The following NT5DC1 variants were observed in gnomAD, a reference collection of about 807,000 sequenced individuals.
NT5DC1 encodes 5'-nucleotidase domain-containing protein 1.
In NT5DC1, 42 loss-of-function variants were observed where a neutral mutation model predicts 59.4. That is an observed-to-expected ratio of 0.71 (90% confidence interval 0.55 to 0.92). The LOEUF (loss-of-function observed/expected upper bound fraction) is 0.92, where lower values mean the gene tolerates loss of function less well. Among genes scored for constraint, NT5DC1 ranks in the 40% least tolerant of loss-of-function variants. The pLI is 0.00. For synonymous variants in NT5DC1, 172 were observed against 188.1 expected, an observed-to-expected ratio of 0.91 and a Z score of 0.70; for missense variants, 501 against 537.1, an observed-to-expected ratio of 0.93 and a Z score of 0.66.
intron 6 of NT5DC1, among the ~76,000 whole-genome samples, chr6:116,177,952 G>A (rs1780770519): frequency 6.6e-6 from 1 of 152,006 alleles, no homozygotes; most frequent in Non-Finnish European, 1.5e-5. Flanking sequence ...TAGTTTCATA[G>A]TATAAAAATA....
chr6:116,191,675 TAA>T (rs1582864709), intron 6 of NT5DC1, among the ~76,000 whole-genome samples: 1 of 152,078 alleles, frequency 6.6e-6, no homozygotes, highest in East Asian at 1.9e-4. Flanking sequence ...AATCCATTGC[TAA>T]AAAGAGTCAA....
chr6:116,173,928 C>G (rs895463462), intron 6 of NT5DC1, among the ~76,000 whole-genome samples: 1 of 152,168 alleles, frequency 6.6e-6, no homozygotes, highest in African/African-American at 2.4e-5. Context: ...ATTCAGGATA[C>G]CACATTGCAT....
At chr6:116,166,972 G>A (rs1037373239) in intron 6 of NT5DC1, among the ~76,000 whole-genome samples, 1 of 151,972 alleles carries the variant, frequency 6.6e-6, no homozygotes, top group African/African-American at 2.4e-5. Flanking sequence ...TTGTTTTGGG[G>A]AGCCTACTCT....
At chr6:116,154,992 C>T (rs1430030974) in intron 6 of NT5DC1, among the ~76,000 whole-genome samples, 4 of 152,248 alleles carry the variant, frequency 2.6e-5, no homozygotes, top group African/African-American at 9.6e-5. Flanking sequence ...TTAACTTTTA[C>T]TCCCTGTGCT....
intron 6 of NT5DC1, among the ~76,000 whole-genome samples, chr6:116,166,959 T>A (rs758319223): frequency 6.6e-6 from 1 of 152,184 alleles, no homozygotes; most frequent in Non-Finnish European, 1.5e-5. Context: ...TTGTCTTTAT[T>A]AATTGTTTTG....
chr6:116,181,398 G>A (rs950826434), intron 6 of NT5DC1, among the ~76,000 whole-genome samples: 1 of 152,006 alleles, frequency 6.6e-6, no homozygotes, highest in African/African-American at 2.4e-5. Context: ...TATGATATTA[G>A]CAAATAATTT....
intron 6 of NT5DC1, among the ~76,000 whole-genome samples, chr6:116,211,852 C>G (rs1781586778): frequency 6.6e-6 from 1 of 151,980 alleles, no homozygotes; most frequent in African/African-American, 2.4e-5. Flanking sequence ...CCTCAGGAAT[C>G]TAATTAAAGC....
At chr6:116,186,680 C>G (rs917321710) in intron 6 of NT5DC1, among the ~76,000 whole-genome samples, 3 of 151,978 alleles carry the variant, frequency 2.0e-5, no homozygotes, top group Non-Finnish European at 4.4e-5. Flanking sequence ...CTGCGAGTTT[C>G]CAGTGCATTT....
chr6:116,123,444 T>A (rs3812112), intron 6 of NT5DC1, among the ~76,000 whole-genome samples: 70,878 of 152,118 alleles, frequency 0.47, 18,533 homozygotes, highest in African/African-American at 0.72. Context: ...ACTACTTCCT[T>A]CTATTAAGTT....
At chr6:116,196,086 A>T (rs1335221544) in intron 6 of NT5DC1, among the ~76,000 whole-genome samples, 1 of 151,992 alleles carries the variant, frequency 6.6e-6, no homozygotes, top group Admixed American at 6.6e-5. Context: ...TATCCCTGAC[A>T]TTCTGTTATT....
At chr6:116,223,635 G>A (rs1781853316) in intron 8 of NT5DC1, among the ~76,000 whole-genome samples, 1 of 152,182 alleles carries the variant, frequency 6.6e-6, no homozygotes, top group Non-Finnish European at 1.5e-5. Context: ...CATAGTAGGT[G>A]TTCTTGAAAG....
intron 6 of NT5DC1, among the ~76,000 whole-genome samples, chr6:116,160,889 C>T (rs1056556751): frequency 1.3e-5 from 2 of 152,088 alleles, no homozygotes; most frequent in Non-Finnish European, 2.9e-5. Context: ...GACACATGCA[C>T]ACGTATGTTT....
At position 116,117,369 on chromosome 6, in the gene NT5DC1, G is replaced by A. The variant is rs1169458727; in HGVS notation, c.445-492G>A. 2.0e-5 allele frequency among the ~76,000 whole-genome samples: 3 copies of A among 152,138 alleles called. No homozygotes were observed. In the East Asian group the frequency reaches 5.8e-4, roughly 29 times the overall value. ...TTTTTAAAATTACATTTAGAAGAAT[G>A]ATAACTTTATTATGTTTTGTAAAAT... On this transcript the variant is annotated intron_variant, in intron 5 of 11. Transcript: ENST00000319550.
chr6:116,214,711 C>T (rs1781656377), intron 6 of NT5DC1, among the ~76,000 whole-genome samples: 1 of 151,938 alleles, frequency 6.6e-6, no homozygotes, highest in South Asian at 2.1e-4. Context: ...ATATCATATT[C>T]AAAATGCAAA....
chr6:116,223,132 G>GT lies in NT5DC1; in HGVS notation c.802+2dup. ...AGTCAGAGACCTTTCCGGACACTCG[G>GT]TAAGTTACATTTGGTTTCTTTCTTT... On this transcript the variant is annotated splice_donor_variant, in intron 8 of 11. Transcript: ENST00000319550. LOFTEE classifies it high-confidence loss of function. The GT allele has an allele frequency of 6.5e-7, 1 of 1,539,686 alleles. No individual in the cohort carries two copies. The highest frequency in any genetic ancestry group is 1.1e-5 in the South Asian group (1 of 88,978).
Position 116,106,273 on chromosome 6 carries a change from AGTTAAGGAGAAAGGGTAC to A in NT5DC1, c.125_142del (p.Val42_Tyr47del). On this transcript the variant is annotated inframe_deletion, in exon 2 of 12. Coordinates refer to ENST00000319550, the MANE Select transcript of NT5DC1 (RefSeq NM_152729.3). ...TTTATAATAGCTTTGCCCAGTTCCT[AGTTAAGGAGAAAGGGTAC>A]GATAAGGAATTGCTCAATGTGACCC... 1 of 1,583,742 alleles carries A rather than the reference AGTTAAGGAGAAAGGGTAC, an allele frequency of 6.3e-7. No individual in the cohort carries two copies. Among genetic ancestry groups the A allele is most frequent in the Non-Finnish European group, 8.7e-7 (1 of 1,153,704 alleles).
In NT5DC1 at chr6:116,115,680, T is replaced by C; in HGVS notation, c.365-11T>C. 4 of 1,472,146 alleles carry C rather than the reference T, an allele frequency of 2.7e-6. No homozygotes were observed. The highest frequency in any genetic ancestry group is 2.9e-6 in the Non-Finnish European group (3 of 1,051,074). The allele number at this position is 1,472,146 out of a possible 1,614,324, so 91.2% of individuals were successfully genotyped here. On this transcript the variant is annotated splice_polypyrimidine_tract_variant and intron_variant, in intron 4 of 11. Transcript: ENST00000319550. ...ATGTTGTTCCCAGTTTAAAATTTTG[T>C]TCTTTTTTAGGAAAGTATTACTTTT...
chr6:116,194,061 C>CAAA (rs1253030458), intron 6 of NT5DC1, among the ~76,000 whole-genome samples: 9 of 151,688 alleles, frequency 5.9e-5, no homozygotes, highest in Non-Finnish European at 1.0e-4. Flanking sequence ...ACAACAACAA[C>CAAA]AAAAGAATAT....
intron 6 of NT5DC1, among the ~76,000 whole-genome samples, chr6:116,172,918 A>G (rs1162718822): frequency 6.6e-6 from 1 of 152,168 alleles, no homozygotes; most frequent in Admixed American, 6.5e-5. Flanking sequence ...ACTTTTCTAC[A>G]GTTTCACATT....
Sources: allele counts gnomAD v4.1 joint callset (sites outside exome capture counted in the v4.1 genomes callset), GRCh38; gene constraint gnomAD v4.1.1; transcripts MANE v1.5; gene names NCBI Gene and HGNC (gene_info 2026-07-23, HGNC 2026-07-21).